The following SPATA16 variants were observed in gnomAD, a reference collection of about 807,000 sequenced individuals.
SPATA16 encodes the protein spermatogenesis associated 16, also known as spermatogenesis-associated protein 16.
SPATA16 carries 36 observed loss-of-function variants against 63.3 expected under a neutral mutation model. That is an observed-to-expected ratio of 0.57 (90% CI 0.44 to 0.75). The LOEUF (loss-of-function observed/expected upper bound fraction) is 0.75. SPATA16 is among the 30% of genes least tolerant of loss of function. The probability of loss-of-function intolerance (pLI) is 0.00; values close to 1 mark genes in which losing one functional copy is unlikely to be tolerated. For synonymous variants in SPATA16, 203 were observed against 216.7 expected (o/e 0.94, Z 0.56); for missense variants, 646 against 679.3 (o/e 0.95, Z 0.54).
At chr3:172,993,122 T>G (rs1416059699) in intron 4 of SPATA16, among the ~76,000 whole-genome samples, 1 of 151,980 alleles carries the variant, frequency 6.6e-6, no homozygotes, top group Non-Finnish European at 1.5e-5. Context: ...GGCTGAAGAT[T>G]GATCCCAAAA....
rs572080659 is a variant in SPATA16, at chr3:172,966,570, G to A, written c.934-9746C>T. Among the ~76,000 whole-genome samples, 117 of 152,240 alleles carry A rather than the reference G, an allele frequency of 7.7e-4. 1 individual carries two copies. Among genetic ancestry groups the A allele is most frequent in the African/African-American group, 2.5e-3 (104 of 41,542 alleles). On this transcript the variant is annotated intron_variant, in intron 5 of 10. Coordinates refer to ENST00000351008, the MANE Select transcript of SPATA16 (RefSeq NM_031955.6). ...GAAATCATGCCACATGTTAAAGGCT[G>A]ACATTTGAAATGCCAAGGTCTCATT...
intron 2 of SPATA16, among the ~76,000 whole-genome samples, chr3:173,060,446 T>C (rs1025199941): frequency 1.3e-5 from 2 of 152,156 alleles, no homozygotes; most frequent in African/African-American, 4.8e-5. Flanking sequence ...AATTACAGAA[T>C]GAATTTTAAA....
At chr3:173,105,362 C>T (rs970120194) in intron 2 of SPATA16, among the ~76,000 whole-genome samples, 1 of 152,152 alleles carries the variant, frequency 6.6e-6, no homozygotes. Context: ...ATTGTTCTCG[C>T]CAAAGACCCT....
chr3:172,945,379 C>T (rs930396496), intron 6 of SPATA16, among the ~76,000 whole-genome samples: 1 of 152,204 alleles, frequency 6.6e-6, no homozygotes, highest in Non-Finnish European at 1.5e-5. Context: ...TTGTCTCCCT[C>T]ATGGGAACAC....
chr3:173,065,420 A>G (rs1411899833), intron 2 of SPATA16, among the ~76,000 whole-genome samples: 1 of 152,202 alleles, frequency 6.6e-6, no homozygotes, highest in Non-Finnish European at 1.5e-5. Flanking sequence ...TCTAACAAGA[A>G]TTTAAGGGAG....
chr3:173,003,751 C>A (rs1734878472), intron 4 of SPATA16, among the ~76,000 whole-genome samples: 1 of 152,182 alleles, frequency 6.6e-6, no homozygotes, highest in Admixed American at 6.5e-5. Flanking sequence ...GTTTTAAATA[C>A]CATTCTTCAA....
chr3:173,006,478 G>A (rs902033603), intron 4 of SPATA16, among the ~76,000 whole-genome samples: 1 of 152,170 alleles, frequency 6.6e-6, no homozygotes, highest in Admixed American at 6.5e-5. Flanking sequence ...TTAGAATCTT[G>A]CATGATGAAT....
intron 3 of SPATA16, among the ~76,000 whole-genome samples, chr3:173,021,947 A>T (rs1412414195): frequency 2.0e-5 from 3 of 152,024 alleles, no homozygotes; most frequent in Non-Finnish European, 2.9e-5. Context: ...ATTCTCCAAG[A>T]ATCTTGCTCT....
intron 2 of SPATA16, among the ~76,000 whole-genome samples, chr3:173,089,339 T>C (rs1577168989): frequency 6.6e-6 from 1 of 152,198 alleles, no homozygotes. Context: ...CCACATCAAA[T>C]GGCTTCTGCA....
In SPATA16 at chr3:172,958,617, A is replaced by G. The variant is rs1411706884; in HGVS notation, c.934-1793T>C. Among the ~76,000 whole-genome samples, 4 of 152,310 alleles carry G rather than the reference A, an allele frequency of 2.6e-5. No individual in the cohort carries two copies. In the East Asian group the frequency reaches 7.7e-4, roughly 29 times the overall value. ...GGGTTGCTACAACAAAGTACCACCAACTGGGTGGCTTAAACAACAGAAATT... is the reference window on the plus strand; with the variant it reads ...GGGTTGCTACAACAAAGTACCACCAGCTGGGTGGCTTAAACAACAGAAATT... On this transcript the variant is annotated intron_variant, in intron 5 of 10. Transcript: ENST00000351008.
At chr3:172,966,181 G>A (rs912728179) in intron 5 of SPATA16, among the ~76,000 whole-genome samples, 5 of 152,124 alleles carry the variant, frequency 3.3e-5, no homozygotes, top group East Asian at 3.9e-4. Flanking sequence ...ACAATGTCAC[G>A]TAATATTAAA....
intron 3 of SPATA16, among the ~76,000 whole-genome samples, chr3:173,020,236 G>T (rs1415218697): frequency 1.3e-5 from 2 of 152,014 alleles, no homozygotes; most frequent in East Asian, 3.9e-4. Context: ...GGCAGAGGTT[G>T]CAGTGAGATC....
chr3:173,053,241 A>C (rs1299909574), intron 2 of SPATA16, among the ~76,000 whole-genome samples: 1 of 152,108 alleles, frequency 6.6e-6, no homozygotes, highest in Non-Finnish European at 1.5e-5. Context: ...CTGTATTCCC[A>C]GCTACTAGGG....
chr3:173,022,658 T>C (rs1735359838), intron 3 of SPATA16, among the ~76,000 whole-genome samples: 2 of 152,062 alleles, frequency 1.3e-5, no homozygotes, highest in Admixed American at 1.3e-4. Context: ...TTTGAAAAGT[T>C]CTTAATCATT....
intron 5 of SPATA16, among the ~76,000 whole-genome samples, chr3:172,970,567 G>A (rs1734027029): frequency 6.6e-6 from 1 of 152,186 alleles, no homozygotes; most frequent in East Asian, 1.9e-4. Context: ...TTGGGTGAGT[G>A]TCTTTAGTGC....
chr3:173,090,980 A>G (rs1337319524), intron 2 of SPATA16, among the ~76,000 whole-genome samples: 1 of 152,078 alleles, frequency 6.6e-6, no homozygotes, highest in Non-Finnish European at 1.5e-5. Flanking sequence ...TGACATCTTA[A>G]TGTTGGTTTC....
intron 6 of SPATA16, among the ~76,000 whole-genome samples, chr3:172,948,618 C>T (rs1474832510): frequency 6.6e-6 from 1 of 151,642 alleles, no homozygotes; most frequent in African/African-American, 2.4e-5. Flanking sequence ...AGATGTGTAC[C>T]ATCATGTCCA....
intron 3 of SPATA16, among the ~76,000 whole-genome samples, chr3:173,025,195 AATAAT>A (rs1019221097): frequency 1.3e-5 from 2 of 151,584 alleles, no homozygotes; most frequent in Non-Finnish European, 3.0e-5. Context: ...ATGTAGAAGA[AATAAT>A]ATATTTATTT....
intron 1 of SPATA16, among the ~76,000 whole-genome samples, chr3:173,132,650 A>G (rs1396856068): frequency 6.6e-6 from 1 of 152,204 alleles, no homozygotes; most frequent in Admixed American, 6.5e-5. Context: ...AATCATCTGT[A>G]TTAGATTGGA....
Sources: allele counts gnomAD v4.1 joint callset (sites outside exome capture counted in the v4.1 genomes callset), GRCh38; gene constraint gnomAD v4.1.1; transcripts MANE v1.5; gene names NCBI Gene and HGNC (gene_info 2026-07-23, HGNC 2026-07-21).